Variants in NEXMIF observed in about 807,000 individuals in gnomAD.
NEXMIF encodes the protein neurite extension and migration factor, also known as XLMR protein related to neurite extension.
Under a neutral mutation model 62.1 loss-of-function variants are expected in NEXMIF, and 8 were observed. The observed-to-expected ratio is 0.13, with a 90% CI of 0.08 to 0.23. The LOEUF (loss-of-function observed/expected upper bound fraction) is 0.23, where lower values mean the gene tolerates loss of function less well. NEXMIF is among the 10% of genes least tolerant of loss of function. NEXMIF has a pLI of 1.00. For missense variants in NEXMIF, 976 were observed against 1,113.3 expected, an observed-to-expected ratio of 0.88 and a Z score of 1.75; for synonymous variants, 404 against 416.6, an observed-to-expected ratio of 0.97 and a Z score of 0.37.
At chrX:74,820,844 T>C (rs1383541035) in intron 1 of NEXMIF, among the ~76,000 whole-genome samples, 3 of 110,809 alleles carry the variant, frequency 2.7e-5, no homozygotes, top group African/African-American at 9.9e-5. Context: ...ACGGGAACAA[T>C]GGACACTGGG....
intron 1 of NEXMIF, among the ~76,000 whole-genome samples, chrX:74,759,101 G>A (rs960414125): frequency 1.2e-4 from 13 of 112,094 alleles, no homozygotes; most frequent in Non-Finnish European, 1.9e-4. Context: ...CATTCTGACT[G>A]GCATGAAATG....
intron 1 of NEXMIF, among the ~76,000 whole-genome samples, chrX:74,873,741 A>G (rs1458549579): frequency 8.9e-6 from 1 of 112,376 alleles, no homozygotes; most frequent in African/African-American, 3.2e-5. Flanking sequence ...TCTGATGGCC[A>G]GTGATGATGA....
intron 1 of NEXMIF, among the ~76,000 whole-genome samples, chrX:74,765,713 G>A (rs1305289928): frequency 3.6e-5 from 4 of 109,713 alleles, no homozygotes; most frequent in East Asian, 2.9e-4. Flanking sequence ...TGAAATTCTC[G>A]GTTGAAGATT....
At chrX:74,872,862 T>G (rs2080608338) in intron 1 of NEXMIF, among the ~76,000 whole-genome samples, 1 of 110,009 alleles carries the variant, frequency 9.1e-6, no homozygotes, top group Admixed American at 9.7e-5. Flanking sequence ...TATAATGGAG[T>G]AGAAAAATAC....
intron 1 of NEXMIF, among the ~76,000 whole-genome samples, chrX:74,834,273 T>G (rs1044883625): frequency 1.8e-5 from 2 of 111,812 alleles, no homozygotes; most frequent in Admixed American, 1.9e-4. Context: ...AAAGTTGTTG[T>G]AGTGTAGATA....
chrX:74,900,474 A>AG (rs2080746139), intron 1 of NEXMIF, among the ~76,000 whole-genome samples: 1 of 105,991 alleles, frequency 9.4e-6, no homozygotes, highest in African/African-American at 3.4e-5. Context: ...AAAAAAAAAA[A>AG]AAAAAGAAAA....
rs970451958 is a variant in NEXMIF, at chrX:74,820,187, G to C, written c.-47-74490C>G. ...GAACATCACACACTGGGGCCTGTTG[G>C]GGGGTGAGGGTTGGAGGAGGGATAG... On this transcript the variant is annotated intron_variant, in intron 1 of 3. Transcript: ENST00000055682. 2.7e-5 allele frequency among the ~76,000 whole-genome samples: 3 copies of C among 110,148 alleles called. No individual in the cohort carries two copies. The East Asian group carries it at 8.6e-4, about 31-fold the overall frequency.
intron 1 of NEXMIF, among the ~76,000 whole-genome samples, chrX:74,912,847 C>G (rs1355941305): frequency 9.0e-6 from 1 of 111,450 alleles, no homozygotes; most frequent in African/African-American, 3.3e-5. Context: ...CAACCCCTAA[C>G]AAGCAATAAT....
At chrX:74,843,192 T>A (rs980550801) in intron 1 of NEXMIF, among the ~76,000 whole-genome samples, 4 of 111,762 alleles carry the variant, frequency 3.6e-5, no homozygotes, top group African/African-American at 1.3e-4. Flanking sequence ...ATGGTTAGAT[T>A]TTCTCGTTGA....
Position 74,740,288 on chromosome X carries a change from G to A in NEXMIF, c.4269C>T (p.Arg1423=). 8.3e-7 allele frequency: 1 copy of A among 1,211,200 alleles called. No homozygotes were observed. Among genetic ancestry groups the A allele is most frequent in the Non-Finnish European group, 1.1e-6 (1 of 895,197 alleles). The change falls in exon 3 of 4, where the codon CGC becomes CGT. Residue 1423 remains arginine, a synonymous_variant. Transcript: ENST00000055682. ...TATACTTTTTATCAAAGAAGGTAGAGCGAGAGTCCTCGTTATAACCAGGCA... is the reference window on the plus strand; with the variant it reads ...TATACTTTTTATCAAAGAAGGTAGAACGAGAGTCCTCGTTATAACCAGGCA... The part of the protein sequence containing the change: ...ANMPGYNEDS[R]STFFDKKYSN...
intron 1 of NEXMIF, among the ~76,000 whole-genome samples, chrX:74,876,227 T>A (rs922954691): frequency 1.2e-4 from 13 of 111,553 alleles, no homozygotes; most frequent in African/African-American, 4.3e-4. Context: ...CATCTTTATT[T>A]CTGCCTTCGT....
At chrX:74,872,446 G>A (rs1439869894) in intron 1 of NEXMIF, among the ~76,000 whole-genome samples, 1 of 106,360 alleles carries the variant, frequency 9.4e-6, no homozygotes, top group Admixed American at 1.0e-4. Context: ...GTGTGTGGGT[G>A]GGGGGTGGTG....
chrX:74,742,026 C>A lies in NEXMIF; in HGVS notation c.2531G>T (p.Ser844Ile). The A allele has an allele frequency of 8.3e-7, 1 of 1,211,894 alleles. No homozygotes were observed. The highest frequency in any genetic ancestry group is 1.8e-5 in the South Asian group (1 of 57,010). ...AAATGATTTTTCGGTTTGAGTGAGG[C>A]TGCCTTCATTTTGCTCTGGAGAATG... ...SHHSPEQNEG[S>I]LTQTEKSFVP... Residue 844 changes from serine (S) to isoleucine (I), a missense_variant, in exon 3 of 4, where the codon AGC becomes ATC. Ser to Ile is a moderately radical substitution (Grantham distance 142). Transcript: ENST00000055682.
At chrX:74,768,280 T>C (rs764865166) in intron 1 of NEXMIF, among the ~76,000 whole-genome samples, 1 of 111,825 alleles carries the variant, frequency 8.9e-6, no homozygotes, top group South Asian at 3.8e-4. Context: ...CCTGCCTTGA[T>C]TTTCTCCATT....
At chrX:74,921,824 A>T (rs1290102466) in intron 1 of NEXMIF, among the ~76,000 whole-genome samples, 2 of 111,918 alleles carry the variant, frequency 1.8e-5, no homozygotes, top group East Asian at 5.6e-4. Flanking sequence ...CTTCCCTTTC[A>T]TCCACTTTGG....
At chrX:74,870,617 T>C (rs747149513) in intron 1 of NEXMIF, among the ~76,000 whole-genome samples, 1 of 111,810 alleles carries the variant, frequency 8.9e-6, no homozygotes. Flanking sequence ...CAATCGACTT[T>C]ACAGGAAGAA....
At chrX:74,785,076 G>C (rs1602226396) in intron 1 of NEXMIF, among the ~76,000 whole-genome samples, 1 of 111,162 alleles carries the variant, frequency 9.0e-6, no homozygotes, top group Non-Finnish European at 1.9e-5. Context: ...GGTATCCTCC[G>C]GTCTCTGACT....
rs941875224 is a variant in NEXMIF, at chrX:74,738,517, T to C, written c.*888A>G. On this transcript the variant is annotated 3_prime_UTR_variant, in exon 4 of 4. Coordinates refer to ENST00000055682, the MANE Select transcript of NEXMIF (RefSeq NM_001008537.3). The stretch of plus-strand genomic sequence containing the variant: ...ATTTTATAGCTATTTTTATAATTTA[T>C]CCCAGACTATTATAAAATATATAAA... 1 of 111,953 alleles carries C rather than the reference T, an allele frequency of 8.9e-6. No homozygotes were observed. The highest frequency in any genetic ancestry group is 3.3e-5 in the African/African-American group (1 of 30,757). The allele number at this position is 111,953 out of a possible 1,213,427, so 9.2% of individuals were successfully genotyped here.
At chrX:74,910,259 G>T (rs957458171) in intron 1 of NEXMIF, among the ~76,000 whole-genome samples, 2 of 112,517 alleles carry the variant, frequency 1.8e-5, no homozygotes, top group African/African-American at 6.5e-5. Flanking sequence ...AGGTGGAGCT[G>T]CCCAAGACTA....
Sources: allele counts gnomAD v4.1 joint callset (sites outside exome capture counted in the v4.1 genomes callset), GRCh38; gene constraint gnomAD v4.1.1; transcripts MANE v1.5; gene names NCBI Gene and HGNC (gene_info 2026-07-23, HGNC 2026-07-21).